The following GMDS variants were observed in gnomAD, a reference collection of about 807,000 sequenced individuals.
GMDS encodes GDP-mannose 4,6-dehydratase.
GMDS carries 20 observed loss-of-function variants against 49.9 expected under a neutral mutation model. The ratio of observed to expected loss-of-function variants is 0.40; its 90% confidence interval spans 0.28 to 0.58. GMDS has a LOEUF of 0.58. Ranked by LOEUF, GMDS falls within the 20% of genes least tolerant of loss-of-function variation. GMDS has a pLI of 0.42. For synonymous variants in GMDS, 177 were observed against 178.6 expected (o/e 0.99, Z 0.07); for missense variants, 362 against 481.4 (o/e 0.75, Z 2.32).
intron 7 of GMDS, among the ~76,000 whole-genome samples, chr6:1,846,911 A>C (rs6937272): frequency 0.028 from 4,218 of 152,314 alleles, 189 homozygotes; most frequent in African/African-American, 0.095. Flanking sequence ...CCAGCAAAAC[A>C]ATGACAAGTA....
intron 7 of GMDS, among the ~76,000 whole-genome samples, chr6:1,856,501 G>A (rs1375454437): frequency 3.3e-5 from 5 of 152,200 alleles, no homozygotes; most frequent in East Asian, 3.8e-4. Context: ...GAGAGCTAAC[G>A]TATTTGCCCA....
chr6:1,965,208 C>G (rs1200783505), intron 4 of GMDS, among the ~76,000 whole-genome samples: 1 of 152,074 alleles, frequency 6.6e-6, no homozygotes, highest in Non-Finnish European at 1.5e-5. Context: ...ATGGCTGGGT[C>G]AAATGGTATT....
At chr6:1,700,765 C>G (rs542278276) in intron 9 of GMDS, among the ~76,000 whole-genome samples, 2 of 152,164 alleles carry the variant, frequency 1.3e-5, no homozygotes, top group African/African-American at 2.4e-5. Flanking sequence ...TGTCCCTCCT[C>G]GGGCCCAGCA....
chr6:2,082,686 G>A (rs1772784807), intron 4 of GMDS, among the ~76,000 whole-genome samples: 1 of 152,158 alleles, frequency 6.6e-6, no homozygotes, highest in Non-Finnish European at 1.5e-5. Flanking sequence ...TTTAGTTAAT[G>A]ACACTTTTAA....
intron 4 of GMDS, among the ~76,000 whole-genome samples, chr6:2,032,190 T>A (rs1769006157): frequency 6.6e-6 from 1 of 152,144 alleles, no homozygotes; most frequent in Admixed American, 6.5e-5. Flanking sequence ...TGTGAACTGT[T>A]TTTCTGGTGC....
chr6:2,137,926 T>C (rs1776092199), intron 1 of GMDS, among the ~76,000 whole-genome samples: 1 of 152,230 alleles, frequency 6.6e-6, no homozygotes, highest in East Asian at 1.9e-4. Flanking sequence ...TATTGTACTC[T>C]GTCCAGCTTC....
intron 7 of GMDS, among the ~76,000 whole-genome samples, chr6:1,914,895 C>A (rs3778552): frequency 0.28 from 43,004 of 152,070 alleles, 6,149 homozygotes; most frequent in African/African-American, 0.35. Context: ...CCCACACAGG[C>A]CCCCCTCCTG....
At chr6:1,813,950 AT>A (rs1178833919) in intron 7 of GMDS, among the ~76,000 whole-genome samples, 4 of 152,204 alleles carry the variant, frequency 2.6e-5, no homozygotes, top group African/African-American at 9.6e-5. Flanking sequence ...GTAAAATCTA[AT>A]TGCTTCATGT....
At chr6:2,120,622 G>C (rs181962340) in intron 2 of GMDS, among the ~76,000 whole-genome samples, 2 of 152,104 alleles carry the variant, frequency 1.3e-5, no homozygotes, top group Admixed American at 6.5e-5. Context: ...CTTTTAAAGG[G>C]TTCAACATTG....
intron 8 of GMDS, among the ~76,000 whole-genome samples, chr6:1,730,512 C>G (rs772182293): frequency 6.6e-6 from 1 of 152,144 alleles, no homozygotes; most frequent in Non-Finnish European, 1.5e-5. Flanking sequence ...ATTCCCTCCC[C>G]GACACTCACT....
At chr6:1,831,248 A>G (rs905327065) in intron 7 of GMDS, among the ~76,000 whole-genome samples, 2 of 152,234 alleles carry the variant, frequency 1.3e-5, no homozygotes, top group African/African-American at 4.8e-5. Flanking sequence ...ACTAAAGGAG[A>G]ATTCAGTGGC....
At chr6:1,996,284 G>A (rs1766276111) in intron 4 of GMDS, among the ~76,000 whole-genome samples, 1 of 152,090 alleles carries the variant, frequency 6.6e-6, no homozygotes, top group African/African-American at 2.4e-5. Flanking sequence ...GTGTCCAGCT[G>A]CTGGGGTTTC....
chr6:1,843,857 C>T (rs926330685), intron 7 of GMDS, among the ~76,000 whole-genome samples: 6 of 152,156 alleles, frequency 3.9e-5, no homozygotes, highest in Non-Finnish European at 8.8e-5. Context: ...TGCTGCCATG[C>T]TCCATCCCAC....
intron 1 of GMDS, among the ~76,000 whole-genome samples, chr6:2,154,032 T>G (rs1184363625): frequency 1.3e-5 from 2 of 152,190 alleles, no homozygotes; most frequent in African/African-American, 4.8e-5. Context: ...CATACAATAC[T>G]TTCATTAAAA....
chr6:2,134,472 A>G (rs866221017), intron 1 of GMDS, among the ~76,000 whole-genome samples: 17 of 152,322 alleles, frequency 1.1e-4, no homozygotes, highest in Middle Eastern at 6.8e-3. Context: ...GGACACCACC[A>G]CCCACATCTT....
chr6:1,793,402 T>C (rs1769615997), intron 7 of GMDS, among the ~76,000 whole-genome samples: 1 of 152,182 alleles, frequency 6.6e-6, no homozygotes, highest in African/African-American at 2.4e-5. Context: ...TAAATTCCAT[T>C]TCCCCTTAAA....
At chr6:1,715,342 A>G (rs983018032) in intron 9 of GMDS, among the ~76,000 whole-genome samples, 5 of 152,216 alleles carry the variant, frequency 3.3e-5, no homozygotes, top group Admixed American at 3.3e-4. Context: ...ACTGGTTTGA[A>G]TAATTTTGGT....
chr6:2,118,368 T>C (rs1431722744), intron 2 of GMDS, among the ~76,000 whole-genome samples: 1 of 152,220 alleles, frequency 6.6e-6, no homozygotes, highest in Non-Finnish European at 1.5e-5. Context: ...TGTCACCAGC[T>C]GCCCAAGTTC....
chr6:2,099,698 TATA>T lies in GMDS; in HGVS notation c.345+16070_345+16072del, dbSNP rs546234060. ...ATTTATACTTTCTGACAAAATAGAA[TATA>T]ATGCCTTTTCCATCCCAGAATTTCC... On this transcript the variant is annotated intron_variant, in intron 4 of 10. Transcript: ENST00000380815. Among the ~76,000 whole-genome samples the T allele has an allele frequency of 4.7e-3, 714 of 152,230 alleles. 2 individuals are homozygous for T. Among genetic ancestry groups the T allele is most frequent in the Non-Finnish European group, 7.5e-3 (511 of 67,938 alleles).
Sources: gnomAD v4.1 joint callset for allele counts (sites outside exome capture counted in the v4.1 genomes callset) on GRCh38, gnomAD v4.1.1 for gene constraint, MANE v1.5 for transcripts, NCBI Gene and HGNC (gene_info 2026-07-23, HGNC 2026-07-21) for gene names.